Variants in MED13L observed in about 807,000 individuals in gnomAD.
MED13L encodes the protein mediator of RNA polymerase II transcription subunit 13-like.
In MED13L, 7 loss-of-function variants were observed where a neutral mutation model predicts 220.9. The ratio of observed to expected loss-of-function variants is 0.03; its 90% CI spans 0.02 to 0.06. MED13L has a LOEUF of 0.06. Ranked by LOEUF, MED13L falls within the 10% of genes least tolerant of loss-of-function variation. The pLI, the probability that MED13L is intolerant of heterozygous loss-of-function variation, is 1.00. For missense variants in MED13L, 1,965 were observed against 2,760.5 expected (o/e 0.71, Z 6.46); for synonymous variants, 1,011 against 1,015.2 (o/e 1.00, Z 0.08).
intron 2 of MED13L, among the ~76,000 whole-genome samples, chr12:116,171,913 T>C (rs1879707582): frequency 6.6e-6 from 1 of 152,238 alleles, no homozygotes; most frequent in Admixed American, 6.5e-5. Context: ...CTAATGATAA[T>C]CTTTGGGAAA....
chr12:116,224,932 A>G (rs891740867), intron 2 of MED13L, among the ~76,000 whole-genome samples: 1 of 152,142 alleles, frequency 6.6e-6, no homozygotes, highest in African/African-American at 2.4e-5. Context: ...TCTGGCCTCA[A>G]GCGATCCTCC....
chr12:116,276,937 G>C, intron 1 of MED13L, 123 bp downstream of exon 1: 5 of 1,130,810 alleles, frequency 4.4e-6, no homozygotes, highest in Non-Finnish European at 5.2e-6. Context: ...AGAGGCGAAC[G>C]GCGGGGAGAC....
At chr12:116,026,825 T>C (rs1306275193) in intron 4 of MED13L, among the ~76,000 whole-genome samples, 1 of 152,210 alleles carries the variant, frequency 6.6e-6, no homozygotes, top group Non-Finnish European at 1.5e-5. Context: ...GTACAGATTA[T>C]AGCACTGCTT....
At position 115,991,706 on chromosome 12, in the gene MED13L, G is replaced by A; in HGVS notation, c.3248C>T (p.Ala1083Val). 7 of 1,613,822 alleles carry A rather than the reference G, an allele frequency of 4.3e-6. No homozygotes were observed. Among genetic ancestry groups the A allele is most frequent in the South Asian group, 2.2e-5 (2 of 91,072 alleles). The change falls in exon 17 of 31, where the codon GCC (alanine) becomes GTC (valine). Residue 1083 changes from alanine to valine, a missense_variant. By Grantham distance (64) the Ala-to-Val change is moderately conservative. Transcript: ENST00000281928. The surrounding 1 kb of genome is among the most constrained non-coding windows in gnomAD (Gnocchi z 7.7). ...KYDSTDQGSPASTPSTTRPLN... is the reference protein window; with the variant it reads ...KYDSTDQGSPVSTPSTTRPLN... ...GGGCCGTGTAGTAGAGGGGGTGGAG[G>A]CTGGTGATCCTTGATCGGTGCTATC...
At chr12:116,252,259 G>A (rs1017395528) in intron 1 of MED13L, among the ~76,000 whole-genome samples, 1 of 152,080 alleles carries the variant, frequency 6.6e-6, no homozygotes, top group East Asian at 1.9e-4. Flanking sequence ...AACATTCACT[G>A]AGAAAAACCA....
chr12:116,044,076 T>C (rs184299707), intron 4 of MED13L, among the ~76,000 whole-genome samples: 29 of 152,340 alleles, frequency 1.9e-4, no homozygotes, highest in African/African-American at 5.8e-4. Context: ...CATTGTACTA[T>C]ATGCTAGCTC....
chr12:116,003,702 T>A (rs1592937018), intron 13 of MED13L, among the ~76,000 whole-genome samples: 1 of 152,108 alleles, frequency 6.6e-6, no homozygotes, highest in Non-Finnish European at 1.5e-5. Context: ...TGGTGATGAA[T>A]TAAAATAAAA....
intron 1 of MED13L, among the ~76,000 whole-genome samples, chr12:116,262,982 C>T (rs1031997685): frequency 1.3e-5 from 2 of 152,096 alleles, no homozygotes; most frequent in South Asian, 2.1e-4. Context: ...CAAGTTAAAG[C>T]GACATACTTT....
intron 16 of MED13L, among the ~76,000 whole-genome samples, chr12:115,994,010 A>G (rs1447517966): frequency 1.3e-5 from 2 of 152,192 alleles, no homozygotes; most frequent in African/African-American, 4.8e-5. Flanking sequence ...ATACTGTCCA[A>G]TAAGGTAGCC....
chr12:116,166,556 C>A (rs762968418), intron 2 of MED13L, among the ~76,000 whole-genome samples: 14 of 152,112 alleles, frequency 9.2e-5, no homozygotes, highest in Non-Finnish European at 1.8e-4. Context: ...TGCATTCCAG[C>A]CTGGGCAACA....
At chr12:116,276,945 G>A in intron 1 of MED13L, 115 bp downstream of exon 1, 3 of 1,182,916 alleles carry the variant, frequency 2.5e-6, no homozygotes, top group South Asian at 2.6e-5. Context: ...ACGGCGGGGA[G>A]ACGCGAGGGA....
intron 16 of MED13L, among the ~76,000 whole-genome samples, chr12:115,996,129 C>T (rs572991743): frequency 3.3e-5 from 5 of 151,992 alleles, no homozygotes; most frequent in South Asian, 2.1e-4. Flanking sequence ...CTCACTCTGT[C>T]GCCCAGGCTG....
intron 4 of MED13L, among the ~76,000 whole-genome samples, chr12:116,074,255 G>T (rs1255114366): frequency 2.0e-5 from 3 of 152,158 alleles, no homozygotes; most frequent in Non-Finnish European, 2.9e-5. Flanking sequence ...AGTAGCCGGG[G>T]GTGGTGGTGC....
At chr12:116,223,025 G>C (rs1223310177) in intron 2 of MED13L, among the ~76,000 whole-genome samples, 3 of 152,150 alleles carry the variant, frequency 2.0e-5, no homozygotes, top group Non-Finnish European at 4.4e-5. Context: ...TTGTCAATTT[G>C]ATTCTATAGT....
chr12:116,053,633 G>C (rs1273974295), intron 4 of MED13L, among the ~76,000 whole-genome samples: 1 of 152,110 alleles, frequency 6.6e-6, no homozygotes, highest in Non-Finnish European at 1.5e-5. Context: ...TGAAGCAGAA[G>C]GGAGGAAGGG....
intron 28 of MED13L, among the ~76,000 whole-genome samples, chr12:115,968,535 C>T (rs1237837378): frequency 6.6e-6 from 1 of 152,180 alleles, no homozygotes; most frequent in East Asian, 1.9e-4. Flanking sequence ...CCAACGTGTT[C>T]TTCAATCAGC....
At chr12:115,986,178 C>T in intron 19 of MED13L, 88 bp downstream of exon 19, 2 of 1,363,274 alleles carry the variant, frequency 1.5e-6, no homozygotes, top group Non-Finnish European at 2.1e-6. Context: ...GATTTACTTT[C>T]AAGACATTTG....
chr12:116,131,131 G>A (rs918588999), intron 2 of MED13L, among the ~76,000 whole-genome samples: 1 of 152,118 alleles, frequency 6.6e-6, no homozygotes, highest in Non-Finnish European at 1.5e-5. Flanking sequence ...GTCCTCTGGG[G>A]GGTAAAAAAT....
At chr12:116,139,328 T>C (rs1051652406) in intron 2 of MED13L, among the ~76,000 whole-genome samples, 4 of 152,204 alleles carry the variant, frequency 2.6e-5, no homozygotes, top group Admixed American at 2.0e-4. Context: ...ACTTATAGGT[T>C]CGCTAAATTA....
Sources: allele counts gnomAD v4.1 joint callset (sites outside exome capture counted in the v4.1 genomes callset), GRCh38; gene constraint gnomAD v4.1.1; non-coding constraint Gnocchi (gnomAD v3.1); transcripts MANE v1.5; gene names NCBI Gene and HGNC (gene_info 2026-07-23, HGNC 2026-07-21).